Variants in GKAP1 observed in about 807,000 individuals in gnomAD.
GKAP1 encodes G kinase-anchoring protein 1.
A neutral mutation model predicts 56.7 loss-of-function variants in GKAP1; 31 were observed. That is an observed-to-expected ratio of 0.55 (90% CI 0.41 to 0.74). The LOEUF (loss-of-function observed/expected upper bound fraction) is 0.74, where lower values mean the gene tolerates loss of function less well. Ranked by LOEUF, GKAP1 falls within the 30% of genes least tolerant of loss-of-function variation. The pLI, the probability that GKAP1 is intolerant of heterozygous loss-of-function variation, is 0.00. For synonymous variants in GKAP1, 151 were observed against 138.6 expected (o/e 1.09, Z -0.63); for missense variants, 364 against 402.3 (o/e 0.90, Z 0.82).
At chr9:83,748,839 C>T (rs1943338488) in intron 9 of GKAP1, 1 of 152,166 alleles carries the variant, frequency 6.6e-6, no homozygotes, top group Non-Finnish European at 1.5e-5. Flanking sequence ...GCTAGTGTGA[C>T]TGAGAAAAAT....
chr9:83,764,726 G>A (rs1371377263), intron 8 of GKAP1, among the ~76,000 whole-genome samples: 1 of 152,176 alleles, frequency 6.6e-6, no homozygotes, highest in Non-Finnish European at 1.5e-5. Flanking sequence ...TTGGGAACTG[G>A]AAAGGTCATT....
intron 10 of GKAP1, among the ~76,000 whole-genome samples, chr9:83,746,226 A>G (rs1192642426): frequency 6.6e-6 from 1 of 152,238 alleles, no homozygotes; most frequent in Non-Finnish European, 1.5e-5. Flanking sequence ...TTTGACAACT[A>G]TTTTGTAATG....
intron 9 of GKAP1, chr9:83,748,745 C>T (rs952419610): frequency 1.3e-5 from 2 of 155,910 alleles, no homozygotes; most frequent in Non-Finnish European, 1.4e-5. Context: ...GCAGTACTGT[C>T]TGGCAATATA....
intron 4 of GKAP1, 166 bp from the exon 5 acceptor site, chr9:83,788,844 A>G: frequency 2.4e-6 from 1 of 411,114 alleles, no homozygotes; most frequent in Non-Finnish European, 4.3e-6. Flanking sequence ...CCTATATTCT[A>G]TAGAAGACAT....
intron 4 of GKAP1, among the ~76,000 whole-genome samples, chr9:83,794,117 T>G (rs1267418205): frequency 6.6e-6 from 1 of 152,122 alleles, no homozygotes; most frequent in Non-Finnish European, 1.5e-5. Flanking sequence ...CAGTTAGCCA[T>G]GATCACACCA....
intron 2 of GKAP1, among the ~76,000 whole-genome samples, chr9:83,815,851 T>C (rs553645176): frequency 1.3e-5 from 2 of 152,208 alleles, no homozygotes; most frequent in Admixed American, 1.3e-4. Context: ...TGTTCTGTTC[T>C]TCAGATAACC....
At position 83,768,909 on chromosome 9, in the gene GKAP1, T is replaced by C. The variant is rs764136643; in HGVS notation, c.647A>G (p.Asp216Gly). 8.7e-6 allele frequency: 14 copies of C among 1,610,776 alleles called. No individual in the cohort carries two copies. The highest frequency in any genetic ancestry group is 1.0e-5 in the Non-Finnish European group (12 of 1,178,048). Residue 216 changes from aspartate (D) to glycine (G), a missense_variant, in exon 8 of 13, where the codon GAT becomes GGT. Transcript: ENST00000376371. ...TTCTCTAATAAGAATTTTATGAACATCATCTTCCAGTCTATTGAAGAATCC... is the reference window on the plus strand; with the variant it reads ...TTCTCTAATAAGAATTTTATGAACACCATCTTCCAGTCTATTGAAGAATCC... ...DGGFFNRLEDDVHKILIREKR... is the reference protein window; with the variant it reads ...DGGFFNRLEDGVHKILIREKR...
intron 3 of GKAP1, among the ~76,000 whole-genome samples, chr9:83,804,651 C>A (rs1445170599): frequency 6.8e-6 from 1 of 146,196 alleles, no homozygotes; most frequent in Admixed American, 6.7e-5. Context: ...CCTGGCCAGC[C>A]GCCCCGTCCG....
At chr9:83,766,049 A>G (rs997005187) in intron 8 of GKAP1, among the ~76,000 whole-genome samples, 6 of 152,182 alleles carry the variant, frequency 3.9e-5, no homozygotes, top group Non-Finnish European at 8.8e-5. Flanking sequence ...TTGAATTATA[A>G]TAATTCCCAT....
chr9:83,775,478 C>T (rs1426369634), intron 7 of GKAP1, among the ~76,000 whole-genome samples: 2 of 152,056 alleles, frequency 1.3e-5, no homozygotes, highest in Non-Finnish European at 2.9e-5. Context: ...TATATCACAC[C>T]ATCTAGGAAA....
At chr9:83,759,001 A>AATTTTTTCATTTATGAAAAACTTCAC (rs1564192514) in intron 8 of GKAP1, among the ~76,000 whole-genome samples, 7 of 152,104 alleles carry the variant, frequency 4.6e-5, no homozygotes, top group Non-Finnish European at 8.8e-5. Flanking sequence ...AAAAACTTCT[A>AATTTTTTCATTTATGAAAAACTTCAC]ATTTTTTCAT....
chr9:83,766,343 G>A (rs1055189478), intron 8 of GKAP1, among the ~76,000 whole-genome samples: 1 of 152,162 alleles, frequency 6.6e-6, no homozygotes, highest in East Asian at 1.9e-4. Flanking sequence ...AGCAGCATGA[G>A]AATGGACTAA....
At chr9:83,765,776 C>T (rs1434883233) in intron 8 of GKAP1, among the ~76,000 whole-genome samples, 2 of 152,194 alleles carry the variant, frequency 1.3e-5, no homozygotes, top group Non-Finnish European at 2.9e-5. Flanking sequence ...TTGAAATGGG[C>T]GTATTTACCC....
intron 2 of GKAP1, among the ~76,000 whole-genome samples, chr9:83,806,846 T>C (rs149044478): frequency 6.6e-6 from 1 of 152,194 alleles, no homozygotes; most frequent in African/African-American, 2.4e-5. Context: ...TTCTGAAATA[T>C]ATACATAGTT....
intron 8 of GKAP1, among the ~76,000 whole-genome samples, chr9:83,759,887 T>A (rs994292797): frequency 6.6e-6 from 1 of 152,224 alleles, no homozygotes; most frequent in Non-Finnish European, 1.5e-5. Context: ...TCAAAAAGTC[T>A]TTAACGTCTG....
intron 8 of GKAP1, among the ~76,000 whole-genome samples, chr9:83,754,944 C>T (rs1943449695): frequency 6.6e-6 from 1 of 152,090 alleles, no homozygotes. Context: ...TAAGATTATG[C>T]TTTGGATTAG....
intron 7 of GKAP1, among the ~76,000 whole-genome samples, chr9:83,769,933 T>G (rs1487992972): frequency 4.6e-5 from 7 of 152,242 alleles, no homozygotes; most frequent in Non-Finnish European, 1.0e-4. Context: ...ATTGCGGTTT[T>G]CAGTCGCATT....
chr9:83,747,502 T>C (rs532773446), intron 10 of GKAP1, among the ~76,000 whole-genome samples: 1 of 152,186 alleles, frequency 6.6e-6, no homozygotes, highest in African/African-American at 2.4e-5. Context: ...AGGCTTGTTT[T>C]CCCTCTAAAT....
chr9:83,806,922 A>C (rs550770785), intron 2 of GKAP1, among the ~76,000 whole-genome samples: 1 of 152,256 alleles, frequency 6.6e-6, no homozygotes, highest in Non-Finnish European at 1.5e-5. Context: ...ATGATACACA[A>C]AAAAAAGACC....
Sources: allele counts gnomAD v4.1 joint callset (sites outside exome capture counted in the v4.1 genomes callset), GRCh38; gene constraint gnomAD v4.1.1; transcripts MANE v1.5; gene names NCBI Gene and HGNC (gene_info 2026-07-23, HGNC 2026-07-21).